The following CFH variants were observed in gnomAD, a reference collection of about 807,000 sequenced individuals.
The protein encoded by CFH is H factor 1 (complement).
A neutral mutation model predicts 147.3 loss-of-function variants in CFH; 53 were observed. The observed-to-expected ratio is 0.36, with a 90% CI of 0.29 to 0.45. The LOEUF (loss-of-function observed/expected upper bound fraction) is 0.45. Ranked by LOEUF, CFH falls within the 20% of genes least tolerant of loss-of-function variation. The pLI is 1.00. For missense variants in CFH, 1,380 were observed against 1,498.0 expected, an observed-to-expected ratio of 0.92 and a Z score of 1.30; for synonymous variants, 536 against 489.4, an observed-to-expected ratio of 1.10 and a Z score of -1.26.
At chr1:196,725,748 C>A (rs1390805265) in intron 12 of CFH, among the ~76,000 whole-genome samples, 1 of 152,110 alleles carries the variant, frequency 6.6e-6, no homozygotes, top group Non-Finnish European at 1.5e-5. Context: ...GAGAGCAGGG[C>A]AGTGACAGGC....
chr1:196,656,288 A>C (rs1666684802), intron 1 of CFH, among the ~76,000 whole-genome samples: 1 of 150,304 alleles, frequency 6.7e-6, no homozygotes. Context: ...TGGGCGACAG[A>C]GGGAGATTCC....
rs976333015 is a variant in CFH at position 196,673,077 on chromosome 1, G to A, written c.158G>A (p.Arg53His). The A allele has an allele frequency of 5.0e-6, 8 of 1,613,742 alleles. No homozygotes were observed. Among genetic ancestry groups the A allele is most frequent in the Non-Finnish European group, 6.8e-6 (8 of 1,179,860 alleles). The stretch of plus-strand genomic sequence containing the variant: ...GGCACCCAGGCTATCTATAAATGCC[G>A]CCCTGGATATAGATCTCTTGGAAAT... ...PEGTQAIYKCRPGYRSLGNVI... is the reference protein window; with the variant it reads ...PEGTQAIYKCHPGYRSLGNVI... Residue 53 changes from arginine (R) to histidine (H), a missense_variant, in exon 2 of 22, where the codon CGC (arginine) becomes CAC (histidine). Physicochemically the swap from Arg to His is conservative, Grantham distance 29. Transcript: ENST00000367429.
chr1:196,666,096 T>C (rs1667075888), intron 1 of CFH, among the ~76,000 whole-genome samples: 1 of 152,160 alleles, frequency 6.6e-6, no homozygotes, highest in African/African-American at 2.4e-5. Flanking sequence ...GCTTCTAATA[T>C]CTTAACCCCC....
intron 9 of CFH, among the ~76,000 whole-genome samples, chr1:196,697,014 T>A (rs942334627): frequency 1.1e-4 from 17 of 152,158 alleles, no homozygotes; most frequent in Non-Finnish European, 5.9e-5. Flanking sequence ...TCAAGATGGA[T>A]TAAAGACTTA....
chr1:196,715,088 A>T (rs182120446), intron 10 of CFH, among the ~76,000 whole-genome samples: 2 of 152,098 alleles, frequency 1.3e-5, no homozygotes, highest in East Asian at 1.9e-4. Context: ...TAGTCCTCAT[A>T]AAAAAGCTAA....
chr1:196,702,172 G>A (rs770489872), intron 9 of CFH, among the ~76,000 whole-genome samples: 13 of 152,110 alleles, frequency 8.5e-5, no homozygotes, highest in Non-Finnish European at 1.9e-4. Flanking sequence ...TCCACTTTAT[G>A]GGGGAGCTGC....
chr1:196,677,522 C>T lies in CFH; in HGVS notation c.474C>T (p.Val158=), dbSNP rs778981319. 4.3e-6 allele frequency: 7 copies of T among 1,613,040 alleles called. No individual in the cohort carries two copies. The highest frequency in any genetic ancestry group is 8.5e-7 in the Non-Finnish European group (1 of 1,179,390). ...CAGCACCAGAGAATGGAAAAATTGT[C>T]AGTAGTGCAATGGAACCAGATCGGG... is the stretch of plus-strand genomic sequence containing the variant. ...PVTAPENGKI[V]SSAMEPDREY... is the part of the protein sequence containing the mutation. The change falls in exon 5 of 22, where the codon GTC becomes GTT. Residue 158 remains valine (V), a synonymous_variant. Coordinates refer to ENST00000367429, the MANE Select transcript of CFH (RefSeq NM_000186.4).
At chr1:196,672,761 T>A (rs1667325647) in intron 1 of CFH, among the ~76,000 whole-genome samples, 1 of 152,196 alleles carries the variant, frequency 6.6e-6, no homozygotes, top group Non-Finnish European at 1.5e-5. Context: ...TATAAAATTA[T>A]GTAGATACAA....
intron 1 of CFH, among the ~76,000 whole-genome samples, chr1:196,663,839 T>C (rs1666986299): frequency 6.6e-6 from 1 of 152,178 alleles, no homozygotes; most frequent in Non-Finnish European, 1.5e-5. Flanking sequence ...CATTTAGGTT[T>C]CCAACTTTGA....
At chr1:196,736,708 C>A (rs1293524444) in intron 15 of CFH, 116 bp from the exon 16 acceptor site, 3 of 410,334 alleles carry the variant, frequency 7.3e-6, no homozygotes, top group Non-Finnish European at 1.1e-5. Context: ...AGTTATTGAT[C>A]TTTCTATTTA....
intron 2 of CFH, 91 bp downstream of exon 2, chr1:196,673,254 C>G (rs1667344824): frequency 8.9e-7 from 1 of 1,127,964 alleles, no homozygotes; most frequent in Admixed American, 1.8e-5. Context: ...TGAATTATAT[C>G]ACTATTGCCA....
intron 9 of CFH, among the ~76,000 whole-genome samples, chr1:196,695,721 C>T (rs1668238657): frequency 6.6e-6 from 1 of 152,066 alleles, no homozygotes; most frequent in Non-Finnish European, 1.5e-5. Context: ...AGTTCCTTCG[C>T]ATCCCTTGTA....
chr1:196,740,170 G>A (rs567903086), intron 17 of CFH, among the ~76,000 whole-genome samples: 1 of 152,282 alleles, frequency 6.6e-6, no homozygotes, highest in Admixed American at 6.5e-5. Flanking sequence ...TGCAATTCAC[G>A]ATGAGATTTG....
chr1:196,662,604 G>A (rs900851398), intron 1 of CFH, among the ~76,000 whole-genome samples: 2 of 151,900 alleles, frequency 1.3e-5, no homozygotes, highest in Non-Finnish European at 2.9e-5. Flanking sequence ...TAATCAGCCC[G>A]GGCACGGTGG....
rs34815383 is a variant in CFH, at chr1:196,690,048, T to C, written c.1160-15T>C. ...CTCATTTACTTTATTTATTTATCAT[T>C]GTTATGGTCCTTAGGAAAATGTTAT... On this transcript the variant is annotated splice_polypyrimidine_tract_variant and intron_variant, in intron 8 of 21. Transcript: ENST00000367429. The C allele has an allele frequency of 6.4e-3, 10,217 of 1,596,152 alleles. 553 individuals are homozygous for C. In the African/African-American group the frequency reaches 0.12, roughly 19 times the overall value.
chr1:196,665,717 C>A (rs1216781128), intron 1 of CFH, among the ~76,000 whole-genome samples: 2 of 152,182 alleles, frequency 1.3e-5, no homozygotes, highest in Non-Finnish European at 2.9e-5. Context: ...AAGAGATTCT[C>A]CTGCCTCACG....
intron 9 of CFH, among the ~76,000 whole-genome samples, chr1:196,707,629 G>A (rs969200045): frequency 2.0e-5 from 3 of 152,072 alleles, no homozygotes; most frequent in East Asian, 1.9e-4. Flanking sequence ...TATAAAACCC[G>A]CCCCGCCAGA....
intron 11 of CFH, 91 bp downstream of exon 11, chr1:196,715,860 A>G: frequency 9.3e-7 from 1 of 1,073,770 alleles, no homozygotes; most frequent in East Asian, 2.5e-5. Flanking sequence ...AGGAATTGTT[A>G]AGGAATGTTG....
At chr1:196,657,884 A>T (rs1666758342) in intron 1 of CFH, among the ~76,000 whole-genome samples, 1 of 152,140 alleles carries the variant, frequency 6.6e-6, no homozygotes, top group African/African-American at 2.4e-5. Context: ...CACAAATTTG[A>T]TTAAGGATTT....
Sources: allele counts gnomAD v4.1 joint callset (sites outside exome capture counted in the v4.1 genomes callset), GRCh38; gene constraint gnomAD v4.1.1; transcripts MANE v1.5; gene names NCBI Gene and HGNC (gene_info 2026-07-23, HGNC 2026-07-21).